The following PCDHGA12 variants were observed in gnomAD, a reference collection of about 807,000 sequenced individuals.
PCDHGA12 encodes protocadherin gamma subfamily A, 12, also known as protocadherin gamma-A12.
In PCDHGA12, 43 loss-of-function variants were observed where a neutral mutation model predicts 61.1. That is an observed-to-expected ratio of 0.70 (90% CI 0.55 to 0.91). The LOEUF (loss-of-function observed/expected upper bound fraction) is 0.91. PCDHGA12 is among the 40% of genes least tolerant of loss of function. The pLI is 0.00. For synonymous variants in PCDHGA12, 520 were observed against 542.9 expected (o/e 0.96, Z 0.59); for missense variants, 1,236 against 1,227.7 (o/e 1.01, Z -0.10).
At chr5:141,465,047 T>C (rs2099095978) in intron 1 of PCDHGA12, among the ~76,000 whole-genome samples, 1 of 152,088 alleles carries the variant, frequency 6.6e-6, no homozygotes, top group Non-Finnish European at 1.5e-5. Context: ...TGACCCTATA[T>C]ATTTTTTTGA....
chr5:141,441,750 A>C, intron 1 of PCDHGA12: 1 of 374,962 alleles, frequency 2.7e-6, no homozygotes, highest in South Asian at 2.1e-5. Context: ...GCTCGGCGTC[A>C]ACGTGAGCCT....
chr5:141,487,067 G>C lies in PCDHGA12; in HGVS notation c.2425-7740G>C, dbSNP rs765539804. 3 of 1,614,048 alleles carry C rather than the reference G, an allele frequency of 1.9e-6. No individual in the cohort carries two copies. The highest frequency in any genetic ancestry group is 3.3e-5 in the Admixed American group (2 of 60,010). ...ATATGCTGGGGAGGTGCGGACGGCT[G>C]TTCCTATCCCAGCTGACCTCCCACC... On this transcript the variant is annotated intron_variant, in intron 1 of 3. Coordinates refer to ENST00000252085, the MANE Select transcript of PCDHGA12 (RefSeq NM_003735.3). The surrounding 1 kb of genome is among the most constrained non-coding windows in gnomAD (Gnocchi z 5.0).
At position 141,431,174 on chromosome 5, in the gene PCDHGA12, G is replaced by C. The variant is rs568632160; in HGVS notation, c.415G>C (p.Glu139Gln). 6.2e-7 allele frequency: 1 copy of C among 1,614,224 alleles called. No individual in the cohort carries two copies. The highest frequency in any genetic ancestry group is 1.1e-5 in the South Asian group (1 of 91,088). ...NAPYFRESEL[E>Q]IKISENAATE... is the part of the protein sequence containing the mutation. ...GCCTTACTTTCGTGAAAGTGAATTA[G>C]AAATAAAAATTAGTGAAAATGCAGC... is the stretch of plus-strand genomic sequence containing the variant. The change falls in exon 1 of 4, where the codon GAA becomes CAA. Residue 139 changes from glutamate (E) to glutamine (Q), a missense_variant. By Grantham distance (29) the Glu-to-Gln change is conservative (BLOSUM62 2). Coordinates refer to ENST00000252085, the MANE Select transcript of PCDHGA12 (RefSeq NM_003735.3). This position sits in a 1 kb window ranked among gnomAD's most constrained non-coding sequence, Gnocchi z 4.8.
chr5:141,483,916 A>C (rs1377841777), intron 1 of PCDHGA12, among the ~76,000 whole-genome samples: 1 of 144,996 alleles, frequency 6.9e-6, no homozygotes, highest in African/African-American at 2.5e-5. Flanking sequence ...TCCCACTCAG[A>C]TTGCAGGTCG....
chr5:141,463,965 C>T (rs1207852177), intron 1 of PCDHGA12, among the ~76,000 whole-genome samples: 1 of 151,648 alleles, frequency 6.6e-6, no homozygotes, highest in African/African-American at 2.4e-5. Context: ...AAAATAGCTT[C>T]ATAAAACTCC....
chr5:141,481,856 G>A (rs1402368786), intron 1 of PCDHGA12, among the ~76,000 whole-genome samples: 1 of 149,156 alleles, frequency 6.7e-6, no homozygotes, highest in Admixed American at 6.8e-5. Flanking sequence ...GGAGGTTGCA[G>A]TGAGCCGAGA....
chr5:141,508,741 C>G (rs2099871426), intron 3 of PCDHGA12, among the ~76,000 whole-genome samples: 1 of 152,042 alleles, frequency 6.6e-6, no homozygotes, highest in Non-Finnish European at 1.5e-5. Context: ...ACCCCCCACC[C>G]CGCTCTTTCT....
intron 1 of PCDHGA12, among the ~76,000 whole-genome samples, chr5:141,436,896 A>C (rs567359498): frequency 6.6e-6 from 1 of 152,368 alleles, no homozygotes; most frequent in East Asian, 1.9e-4. Context: ...AAAGATTTTT[A>C]TATGAGACAA....
rs757503771 is a variant in PCDHGA12 at position 141,433,052 on chromosome 5, A to C, written c.2293A>C (p.Lys765Gln). 31 of 1,614,060 alleles carry C rather than the reference A, an allele frequency of 1.9e-5. No homozygotes were observed. Among genetic ancestry groups the C allele is most frequent in the Non-Finnish European group, 1.8e-5 (21 of 1,180,044 alleles). The change falls in exon 1 of 4, where the codon AAG becomes CAG. Residue 765 changes from lysine (K) to glutamine (Q), a missense_variant. Lys to Gln is a moderately conservative substitution (Grantham distance 53). Coordinates refer to ENST00000252085, the MANE Select transcript of PCDHGA12 (RefSeq NM_003735.3). The part of the protein sequence containing the change: ...HEVSLTTDSR[K>Q]SHLIFPQPNY... ...GGTTTCCCTCACCACGGACTCGCGG[A>C]AGAGTCACCTGATCTTCCCCCAGCC...
rs761731200 is a variant in PCDHGA12, at chr5:141,477,252, T to C, written c.2425-17555T>C. The C allele has an allele frequency of 1.2e-6, 2 of 1,614,182 alleles. No homozygotes were observed. The highest frequency in any genetic ancestry group is 8.5e-7 in the Non-Finnish European group (1 of 1,180,034). ...ATCGCTTTGCTCAGTGTGACTGACCTGGATGCTGGCGAGAACGGGCTGGTG... is the reference window on the plus strand; with the variant it reads ...ATCGCTTTGCTCAGTGTGACTGACCCGGATGCTGGCGAGAACGGGCTGGTG... On this transcript the variant is annotated intron_variant, in intron 1 of 3. Transcript: ENST00000252085. The surrounding 1 kb of genome is among the most constrained non-coding windows in gnomAD (Gnocchi z 4.9).
At position 141,486,218 on chromosome 5, in the gene PCDHGA12, T is replaced by A. The variant is rs1467104398; in HGVS notation, c.2425-8589T>A. The A allele has an allele frequency of 2.5e-6, 4 of 1,614,004 alleles. No homozygotes were observed. The African/African-American group carries it at 5.3e-5, about 22-fold the overall frequency. On this transcript the variant is annotated intron_variant, in intron 1 of 3. Transcript: ENST00000252085. The surrounding 1 kb of genome is among the most constrained non-coding windows in gnomAD (Gnocchi z 5.0). ...GCTGGACGTAAATGACAATGCCCCT[T>A]ACATCACAGTGACCTCAGAGCTTGG...
At position 141,512,951 on chromosome 5, in the gene PCDHGA12, AATAAT is replaced by A. The variant is rs1231390259; in HGVS notation, c.*1780_*1784del. 2.1e-5 allele frequency: 3 copies of A among 141,994 alleles called. No homozygotes were observed. Among genetic ancestry groups the A allele is most frequent in the Non-Finnish European group, 4.8e-5 (3 of 62,372 alleles). The allele number at this position is 141,994 out of a possible 1,614,324, so 8.8% of individuals were successfully genotyped here. A position where few individuals can be genotyped will look rare whatever the true frequency, so the allele number is the denominator to read the frequency against. On this transcript the variant is annotated 3_prime_UTR_variant, in exon 4 of 4. Coordinates refer to ENST00000252085, the MANE Select transcript of PCDHGA12 (RefSeq NM_003735.3). ...TATGGCTTTTTTTCTTCGACAAAAAAATAATAAAACGTTTCTTCTGAAAAGCTGAA... is the reference window on the plus strand; with the variant it reads ...TATGGCTTTTTTTCTTCGACAAAAAAAAAACGTTTCTTCTGAAAAGCTGAA...
chr5:141,507,901 G>T (rs1332204823), intron 3 of PCDHGA12, among the ~76,000 whole-genome samples: 1 of 152,216 alleles, frequency 6.6e-6, no homozygotes, highest in Non-Finnish European at 1.5e-5. Flanking sequence ...CTGAAGTCCA[G>T]CCCAGCCAGG....
chr5:141,449,842 A>G (rs893220311), intron 1 of PCDHGA12, among the ~76,000 whole-genome samples: 4 of 151,700 alleles, frequency 2.6e-5, no homozygotes, highest in Non-Finnish European at 4.4e-5. Flanking sequence ...TTATATAATT[A>G]AATTTTAATA....
intron 1 of PCDHGA12, among the ~76,000 whole-genome samples, chr5:141,446,323 A>G (rs1372501599): frequency 6.6e-6 from 1 of 152,216 alleles, no homozygotes. Flanking sequence ...GGGTTTCCAC[A>G]TTAAGGAACT....
intron 1 of PCDHGA12, among the ~76,000 whole-genome samples, chr5:141,465,048 AT>A (rs905091014): frequency 4.0e-5 from 6 of 151,346 alleles, no homozygotes; most frequent in African/African-American, 9.7e-5. Context: ...GACCCTATAT[AT>A]TTTTTTGAAT....
chr5:141,469,992 G>T (rs894673835), intron 1 of PCDHGA12, among the ~76,000 whole-genome samples: 2 of 152,056 alleles, frequency 1.3e-5, no homozygotes, highest in Non-Finnish European at 2.9e-5. Context: ...TTAGCTGGTC[G>T]TCGTGGCACG....
intron 1 of PCDHGA12, among the ~76,000 whole-genome samples, chr5:141,474,703 C>G (rs2099353282): frequency 6.6e-6 from 1 of 152,188 alleles, no homozygotes; most frequent in Admixed American, 6.5e-5. Flanking sequence ...GTTCAAGGTT[C>G]TATTATACTT....
chr5:141,490,184 TC>T lies in PCDHGA12; in HGVS notation c.2425-4622del, dbSNP rs1293752541. The T allele has an allele frequency of 1.2e-6, 2 of 1,614,196 alleles. No individual in the cohort carries two copies. The highest frequency in any genetic ancestry group is 1.7e-6 in the Non-Finnish European group (2 of 1,180,030). On this transcript the variant is annotated intron_variant, in intron 1 of 3. Coordinates refer to ENST00000252085, the MANE Select transcript of PCDHGA12 (RefSeq NM_003735.3). This position sits in a 1 kb window ranked among gnomAD's most constrained non-coding sequence, Gnocchi z 5.4. The stretch of plus-strand genomic sequence containing the variant: ...CCCATAGACTTTGAGGAGTCACGTT[TC>T]TATGAAATTCATGCAAGAGCCCGTG...
Sources: allele counts gnomAD v4.1 joint callset (sites outside exome capture counted in the v4.1 genomes callset), GRCh38; gene constraint gnomAD v4.1.1; non-coding constraint Gnocchi (gnomAD v3.1); transcripts MANE v1.5; gene names NCBI Gene and HGNC (gene_info 2026-07-23, HGNC 2026-07-21).